HIP1: variants seen among roughly 807,000 people sequenced by gnomAD.
HIP1 encodes huntingtin interacting protein 1.
Under a neutral mutation model 147.6 loss-of-function variants are expected in HIP1, and 65 were observed. The observed-to-expected ratio is 0.44, with a 90% CI of 0.36 to 0.54. HIP1 has a LOEUF of 0.54. Ranked by LOEUF, HIP1 falls within the 20% of genes least tolerant of loss-of-function variation. The pLI is 0.00. For missense variants in HIP1, 1,061 were observed against 1,299.6 expected, an observed-to-expected ratio of 0.82 and a Z score of 2.82; for synonymous variants, 479 against 504.0, an observed-to-expected ratio of 0.95 and a Z score of 0.67.
chr7:75,726,167 ATAACTAG>A (rs1801644368), intron 1 of HIP1, among the ~76,000 whole-genome samples: 1 of 152,130 alleles, frequency 6.6e-6, no homozygotes, highest in Admixed American at 6.6e-5. Context: ...TGTTGGATAT[ATAACTAG>A]CAGTGGTATG....
At chr7:75,639,615 G>A (rs1040939699) in intron 1 of HIP1, among the ~76,000 whole-genome samples, 40 of 151,978 alleles carry the variant, frequency 2.6e-4, no homozygotes, top group African/African-American at 9.4e-4. Context: ...GTGTGCAGGC[G>A]TGCGTGTGCA....
chr7:75,717,688 A>AAAAAAAAAAG (rs1801364602), intron 1 of HIP1, among the ~76,000 whole-genome samples: 1 of 150,650 alleles, frequency 6.6e-6, no homozygotes, highest in African/African-American at 2.4e-5. Context: ...AAAAAAAAAA[A>AAAAAAAAAAG]GACCAGGCGC....
At chr7:75,623,177 AAC>A (rs1258963217) in intron 1 of HIP1, among the ~76,000 whole-genome samples, 1 of 149,328 alleles carries the variant, frequency 6.7e-6, no homozygotes. Flanking sequence ...CAGCCTGGGC[AAC>A]AGAGCGGGAC....
chr7:75,643,517 G>A (rs1798711438), intron 1 of HIP1, among the ~76,000 whole-genome samples: 1 of 152,118 alleles, frequency 6.6e-6, no homozygotes, highest in South Asian at 2.1e-4. Flanking sequence ...GGCGTAGAAT[G>A]GGTATTATTA....
chr7:75,637,990 CCCCA>C (rs1253130403), intron 1 of HIP1, among the ~76,000 whole-genome samples: 116 of 43,476 alleles, frequency 2.7e-3, no homozygotes, highest in African/African-American at 7.5e-3. Flanking sequence ...CCCCCCCCCC[CCCCA>C]CACACACACA....
At chr7:75,618,644 C>T (rs1797745734) in intron 1 of HIP1, among the ~76,000 whole-genome samples, 1 of 152,128 alleles carries the variant, frequency 6.6e-6, no homozygotes, top group Non-Finnish European at 1.5e-5. Context: ...TATTAATATA[C>T]TGCTACTTAT....
At chr7:75,673,265 T>C (rs935416745) in intron 1 of HIP1, among the ~76,000 whole-genome samples, 1 of 152,068 alleles carries the variant, frequency 6.6e-6, no homozygotes, top group Non-Finnish European at 1.5e-5. Context: ...TCAAGTGATC[T>C]GCCTGCCTCG....
chr7:75,660,176 C>T (rs1436398116), intron 1 of HIP1, among the ~76,000 whole-genome samples: 1 of 149,876 alleles, frequency 6.7e-6, no homozygotes, highest in Non-Finnish European at 1.5e-5. Context: ...GTCAAGACAG[C>T]CTAAGTCTAC....
intron 5 of HIP1, among the ~76,000 whole-genome samples, chr7:75,585,182 C>T (rs587632950): frequency 7.9e-6 from 1 of 126,876 alleles, no homozygotes; most frequent in South Asian, 2.5e-4. Context: ...ACTCCCAAAA[C>T]GTCTTTTTTT....
intron 1 of HIP1, among the ~76,000 whole-genome samples, chr7:75,729,570 G>A (rs1181157668): frequency 6.6e-6 from 1 of 152,066 alleles, no homozygotes; most frequent in East Asian, 1.9e-4. Context: ...CAGATCACCT[G>A]AGGTCAGGAG....
At chr7:75,717,697 G>A (rs1156526346) in intron 1 of HIP1, among the ~76,000 whole-genome samples, 6 of 88,340 alleles carry the variant, frequency 6.8e-5, no homozygotes, top group Admixed American at 1.2e-4. Flanking sequence ...AAGACCAGGC[G>A]CGGTGGCTCA....
At chr7:75,668,624 C>T (rs919072744) in intron 1 of HIP1, among the ~76,000 whole-genome samples, 9 of 152,184 alleles carry the variant, frequency 5.9e-5, no homozygotes, top group South Asian at 4.1e-4. Context: ...CACCCCTGGC[C>T]GGGACTTCCC....
chr7:75,683,170 TG>T (rs1402150520), intron 1 of HIP1, among the ~76,000 whole-genome samples: 1 of 151,798 alleles, frequency 6.6e-6, no homozygotes, highest in African/African-American at 2.4e-5. Context: ...TTAGTAGAGA[TG>T]GGGGTTTCAC....
chr7:75,694,452 TAC>T lies in HIP1; in HGVS notation c.120+44347_120+44348del, dbSNP rs1554518543. On this transcript the variant is annotated intron_variant, in intron 1 of 30. Coordinates refer to ENST00000336926, the MANE Select transcript of HIP1 (RefSeq NM_005338.7). ...CTTTTTGCCACTCCAAATACTTTCATACTGAACCTTCTAGATTGATTCTTTCT... is the reference window on the plus strand; with the variant it reads ...CTTTTTGCCACTCCAAATACTTTCATTGAACCTTCTAGATTGATTCTTTCT... Among the ~76,000 whole-genome samples, 278 of 152,124 alleles carry T rather than the reference TAC, an allele frequency of 1.8e-3. 1 individual carries two copies. Among genetic ancestry groups the T allele is most frequent in the South Asian group, 3.5e-3 (17 of 4,820 alleles).
At chr7:75,670,295 C>T (rs1483523172) in intron 1 of HIP1, among the ~76,000 whole-genome samples, 1 of 151,884 alleles carries the variant, frequency 6.6e-6, no homozygotes. Context: ...GGACTACAGG[C>T]GCACACCACC....
intron 1 of HIP1, among the ~76,000 whole-genome samples, chr7:75,637,960 G>A (rs1445472049): frequency 7.4e-6 from 1 of 135,026 alleles, no homozygotes; most frequent in Non-Finnish European, 1.5e-5. Flanking sequence ...TCATCTCTAT[G>A]GCAAGGGCAG....
chr7:75,569,816 C>T (rs936774362), intron 8 of HIP1, among the ~76,000 whole-genome samples: 6 of 152,108 alleles, frequency 3.9e-5, no homozygotes, highest in East Asian at 1.9e-4. Context: ...AGAAGTGAAA[C>T]GTCATAGCCA....
intron 1 of HIP1, chr7:75,733,488 G>T (rs1801911730): frequency 6.7e-6 from 1 of 149,968 alleles, no homozygotes; most frequent in African/African-American, 2.5e-5. Flanking sequence ...GCTTGAAAGT[G>T]GCTTGTGATG....
At chr7:75,566,821 A>G (rs1795420045) in intron 9 of HIP1, among the ~76,000 whole-genome samples, 1 of 151,236 alleles carries the variant, frequency 6.6e-6, no homozygotes, top group South Asian at 2.1e-4. Context: ...ATTTGTTGAG[A>G]TAGAAAAGAA....
Sources: allele counts gnomAD v4.1 joint callset (sites outside exome capture counted in the v4.1 genomes callset), GRCh38; gene constraint gnomAD v4.1.1; transcripts MANE v1.5; gene names NCBI Gene and HGNC (gene_info 2026-07-23, HGNC 2026-07-21).